Variants in ZMAT4 observed in about 807,000 individuals in gnomAD.
ZMAT4 encodes zinc finger matrin-type protein 4.
In ZMAT4, 17 loss-of-function variants were observed where a neutral mutation model predicts 28.7. The ratio of observed to expected loss-of-function variants is 0.59; its 90% CI spans 0.41 to 0.89. The LOEUF (loss-of-function observed/expected upper bound fraction) is 0.89, where lower values mean the gene tolerates loss of function less well. Ranked by LOEUF, ZMAT4 falls within the 40% of genes least tolerant of loss-of-function variation. The probability of loss-of-function intolerance (pLI) is 0.00; values close to 1 mark genes in which losing one functional copy is unlikely to be tolerated. For missense variants in ZMAT4, 240 were observed against 283.8 expected (o/e 0.85, Z 1.11); for synonymous variants, 117 against 109.2 (o/e 1.07, Z -0.44).
chr8:40,854,946 C>T lies in ZMAT4; in HGVS notation c.-4-29266G>A, dbSNP rs559810169. Among the ~76,000 whole-genome samples the T allele has an allele frequency of 1.5e-4, 23 of 152,216 alleles. 1 individual carries two copies. The highest frequency in any genetic ancestry group is 6.2e-4 in the South Asian group (3 of 4,820). ...TATTGTTTTCACACACACACACACA[C>T]GCAGAAAAACAACAAAAATTGATTT... On this transcript the variant is annotated intron_variant, in intron 1 of 6. Coordinates refer to ENST00000297737, the MANE Select transcript of ZMAT4 (RefSeq NM_024645.3).
At chr8:40,830,426 G>A (rs145272481) in intron 1 of ZMAT4, among the ~76,000 whole-genome samples, 124 of 152,242 alleles carry the variant, frequency 8.1e-4, no homozygotes, top group African/African-American at 2.8e-3. Context: ...GTGAGAGCAT[G>A]CAATATTTGA....
intron 5 of ZMAT4, among the ~76,000 whole-genome samples, chr8:40,598,281 T>C (rs1805171412): frequency 6.6e-6 from 1 of 152,178 alleles, no homozygotes; most frequent in East Asian, 1.9e-4. Flanking sequence ...TATGCCATGG[T>C]GGTTTACTGC....
chr8:40,568,660 T>G (rs1387443441), intron 6 of ZMAT4, among the ~76,000 whole-genome samples: 1 of 152,174 alleles, frequency 6.6e-6, no homozygotes, highest in African/African-American at 2.4e-5. Context: ...CTCACTATAG[T>G]CAGTTTGGGT....
intron 3 of ZMAT4, among the ~76,000 whole-genome samples, chr8:40,707,222 A>AC (rs71224847): frequency 0.47 from 42,895 of 91,308 alleles, 7,411 homozygotes; most frequent in Middle Eastern, 0.54. Flanking sequence ...CTGCCCCCCC[A>AC]CCCCCCCACC....
At chr8:40,670,682 A>G (rs902066475) in intron 5 of ZMAT4, among the ~76,000 whole-genome samples, 2 of 152,222 alleles carry the variant, frequency 1.3e-5, no homozygotes, top group Non-Finnish European at 2.9e-5. Flanking sequence ...CATCTCAAAT[A>G]AAAGGCAAAA....
chr8:40,810,663 G>T (rs1376505480), intron 2 of ZMAT4, among the ~76,000 whole-genome samples: 1 of 151,962 alleles, frequency 6.6e-6, no homozygotes, highest in Admixed American at 6.6e-5. Context: ...TAGTGGAAAG[G>T]GCTTCTTAAA....
At chr8:40,891,187 G>C (rs1818659314) in intron 1 of ZMAT4, among the ~76,000 whole-genome samples, 2 of 36,478 alleles carry the variant, frequency 5.5e-5, no homozygotes, top group Middle Eastern at 0.032. Context: ...AACAGAGTGG[G>C]GAGAGGAGAG....
intron 3 of ZMAT4, among the ~76,000 whole-genome samples, chr8:40,753,263 T>C (rs1306326224): frequency 2.0e-5 from 3 of 152,140 alleles, no homozygotes; most frequent in Non-Finnish European, 4.4e-5. Context: ...TCTTACTCCT[T>C]CCAAAGACCA....
chr8:40,545,771 C>A (rs1585666291), intron 6 of ZMAT4, among the ~76,000 whole-genome samples: 2 of 151,930 alleles, frequency 1.3e-5, no homozygotes, highest in Non-Finnish European at 1.5e-5. Flanking sequence ...GCGAGAGAAT[C>A]CATTTCTGTT....
At chr8:40,842,636 A>G (rs1816742801) in intron 1 of ZMAT4, among the ~76,000 whole-genome samples, 1 of 152,182 alleles carries the variant, frequency 6.6e-6, no homozygotes, top group South Asian at 2.1e-4. Flanking sequence ...AGTGACATAG[A>G]AAGTCCATGA....
At chr8:40,677,601 C>T (rs1808965446) in intron 4 of ZMAT4, among the ~76,000 whole-genome samples, 1 of 152,122 alleles carries the variant, frequency 6.6e-6, no homozygotes, top group Non-Finnish European at 1.5e-5. Flanking sequence ...CCTTCTACAG[C>T]TTTGATTCAA....
Position 40,601,563 on chromosome 8 carries a change from GAAGAAAGAAAGAAAGAAAGA to G in ZMAT4, c.578-20322_578-20303del, listed in dbSNP as rs1339134333. On this transcript the variant is annotated intron_variant, in intron 5 of 6. Coordinates refer to ENST00000297737, the MANE Select transcript of ZMAT4 (RefSeq NM_024645.3). ...GAAGGGGGAGTGAGAAAGAAAGAAA[GAAGAAAGAAAGAAAGAAAGA>G]AAGAAAGAAAGAAAGAAAGAAAGAA... Among the ~76,000 whole-genome samples, 13 of 118,480 alleles carry G rather than the reference GAAGAAAGAAAGAAAGAAAGA, an allele frequency of 1.1e-4. 1 individual carries two copies. Among genetic ancestry groups the G allele is most frequent in the African/African-American group, 4.0e-4 (12 of 30,096 alleles). 77.7% of individuals were successfully genotyped at this position (118,480 alleles called of 152,430 possible).
At chr8:40,679,801 C>T (rs1178276637) in intron 4 of ZMAT4, among the ~76,000 whole-genome samples, 1 of 152,186 alleles carries the variant, frequency 6.6e-6, no homozygotes, top group Non-Finnish European at 1.5e-5. Flanking sequence ...ATTCTACAAC[C>T]TAACTCTTCA....
chr8:40,638,086 TTG>T (rs1806863180), intron 5 of ZMAT4, among the ~76,000 whole-genome samples: 2 of 152,132 alleles, frequency 1.3e-5, no homozygotes, highest in Admixed American at 6.5e-5. Context: ...AGAGGAGACG[TTG>T]GTCAAAGGGT....
intron 6 of ZMAT4, among the ~76,000 whole-genome samples, chr8:40,538,166 T>C (rs1022586818): frequency 7.2e-5 from 11 of 152,168 alleles, no homozygotes; most frequent in African/African-American, 2.4e-4. Context: ...CTTTGCAACC[T>C]ATTTTCTCGG....
At chr8:40,896,026 A>G (rs1209507983) in intron 1 of ZMAT4, among the ~76,000 whole-genome samples, 8 of 152,228 alleles carry the variant, frequency 5.3e-5, no homozygotes, top group Non-Finnish European at 1.2e-4. Context: ...ACTGTCAGAT[A>G]GGAAGTACAG....
chr8:40,654,921 CAA>C (rs1807848255), intron 5 of ZMAT4, among the ~76,000 whole-genome samples: 1 of 152,024 alleles, frequency 6.6e-6, no homozygotes, highest in African/African-American at 2.4e-5. Context: ...CACTTCTATT[CAA>C]GATTGTGCTG....
At chr8:40,712,611 G>A (rs1810672835) in intron 3 of ZMAT4, among the ~76,000 whole-genome samples, 1 of 152,206 alleles carries the variant, frequency 6.6e-6, no homozygotes, top group Non-Finnish European at 1.5e-5. Context: ...GGTGAATGCA[G>A]CTCCCCACCT....
intron 6 of ZMAT4, among the ~76,000 whole-genome samples, chr8:40,545,554 A>G (rs753698022): frequency 3.3e-5 from 5 of 152,138 alleles, no homozygotes; most frequent in Non-Finnish European, 7.4e-5. Flanking sequence ...CTAACCCAAT[A>G]TGACTGGTGT....
Sources: gnomAD v4.1 joint callset for allele counts (sites outside exome capture counted in the v4.1 genomes callset) on GRCh38, gnomAD v4.1.1 for gene constraint, MANE v1.5 for transcripts, NCBI Gene and HGNC (gene_info 2026-07-23, HGNC 2026-07-21) for gene names.